Variants in BLTP1 observed in about 807,000 individuals in gnomAD.
The protein encoded by BLTP1 is fragile site-associated protein.
the BLTP1 span, among the ~76,000 whole-genome samples, chr4:122,287,166 T>C: frequency 6.6e-6 from 1 of 152,242 alleles, no homozygotes; most frequent in Non-Finnish European, 1.5e-5. Context: ...GTTCTCATTT[T>C]GTAAGTGAGC....
the BLTP1 span, among the ~76,000 whole-genome samples, chr4:122,360,748 T>A: frequency 6.6e-6 from 1 of 152,238 alleles, no homozygotes; most frequent in African/African-American, 2.4e-5. Flanking sequence ...TATTAACTGT[T>A]AAAATACTGC....
At chr4:122,212,238 A>G in the BLTP1 span, among the ~76,000 whole-genome samples, 1 of 152,184 alleles carries the variant, frequency 6.6e-6, no homozygotes, top group Non-Finnish European at 1.5e-5. Context: ...AAATCATCAG[A>G]TGATGTAACT....
the BLTP1 span, chr4:122,271,393 C>A: frequency 1.2e-6 from 2 of 1,613,832 alleles, no homozygotes; most frequent in Non-Finnish European, 1.7e-6. Flanking sequence ...ACTTTAGCCG[C>A]AGTTCTAGAG....
chr4:122,182,478 A>T, the BLTP1 span, among the ~76,000 whole-genome samples: 1 of 152,108 alleles, frequency 6.6e-6, no homozygotes, highest in Non-Finnish European at 1.5e-5. Context: ...CTAAACACAC[A>T]CATTTTCTAA....
chr4:122,334,306 A>G, the BLTP1 span: 11 of 1,440,570 alleles, frequency 7.6e-6, no homozygotes, highest in Admixed American at 1.7e-5. Context: ...CCTCATCTTC[A>G]TAATTTTAAT....
chr4:122,281,867 GATATT>G, the BLTP1 span: 7 of 1,338,896 alleles, frequency 5.2e-6, no homozygotes, highest in Non-Finnish European at 6.8e-6. Flanking sequence ...TGGTTTTATA[GATATT>G]ATAAGTAATT....
At chr4:122,310,375 A>G in the BLTP1 span, among the ~76,000 whole-genome samples, 12 of 152,146 alleles carry the variant, frequency 7.9e-5, no homozygotes, top group Admixed American at 7.2e-4. Context: ...TAAAAGACCA[A>G]TTAATGAGAG....
chr4:122,242,484 G>A, the BLTP1 span, among the ~76,000 whole-genome samples: 1 of 152,120 alleles, frequency 6.6e-6, no homozygotes, highest in Admixed American at 6.6e-5. Flanking sequence ...GGGGAAAAAA[G>A]TAACCTGGGA....
chr4:122,324,588 ACC>A, the BLTP1 span: 1 of 1,405,448 alleles, frequency 7.1e-7, no homozygotes, highest in Non-Finnish European at 9.8e-7. Flanking sequence ...TGACTCTTTT[ACC>A]AAGGTCAACT....
the BLTP1 span, chr4:122,334,233 G>C: frequency 9.6e-7 from 1 of 1,045,814 alleles, no homozygotes; most frequent in African/African-American, 1.6e-5. Flanking sequence ...ACTTTTAAAA[G>C]TTAAAACAGT....
chr4:122,193,742 C>T, the BLTP1 span: 28 of 706,514 alleles, frequency 4.0e-5, 1 homozygote, highest in Middle Eastern at 7.2e-4. Flanking sequence ...GCAGATATTA[C>T]GGGGCCATTG....
the BLTP1 span, chr4:122,277,655 A>G: frequency 2.1e-6 from 2 of 968,584 alleles, no homozygotes; most frequent in Non-Finnish European, 2.5e-6. Context: ...CTCATTATGA[A>G]TCAGACTTTT....
chr4:122,338,681 G>A, the BLTP1 span, among the ~76,000 whole-genome samples: 2 of 151,946 alleles, frequency 1.3e-5, no homozygotes, highest in African/African-American at 4.8e-5. Context: ...TCAGCCCTGA[G>A]GAATTACTAA....
At chr4:122,257,786 T>G in the BLTP1 span, among the ~76,000 whole-genome samples, 1 of 152,196 alleles carries the variant, frequency 6.6e-6, no homozygotes, top group African/African-American at 2.4e-5. Flanking sequence ...TATACACGTA[T>G]GATTTTTATT....
chr4:122,273,130 G>A, the BLTP1 span: 2 of 750,596 alleles, frequency 2.7e-6, no homozygotes, highest in Non-Finnish European at 3.2e-6. Context: ...AAAATAACCT[G>A]ACAGATTATA....
the BLTP1 span, among the ~76,000 whole-genome samples, chr4:122,248,714 A>G: frequency 2.0e-5 from 3 of 152,050 alleles, no homozygotes; most frequent in Admixed American, 2.0e-4. Flanking sequence ...AGCATAGAAT[A>G]TTATATAGCT....
At chr4:122,302,840 A>T in the BLTP1 span, among the ~76,000 whole-genome samples, 5 of 152,366 alleles carry the variant, frequency 3.3e-5, no homozygotes, top group East Asian at 9.6e-4. Context: ...AGCCTAATCC[A>T]GAGCAATGCC....
At chr4:122,235,130 GATGTT>G in the BLTP1 span, 1 of 1,053,518 alleles carries the variant, frequency 9.5e-7, no homozygotes, top group African/African-American at 1.6e-5. Flanking sequence ...TACTTTGTGT[GATGTT>G]ATGAGTAGGG....
At chr4:122,203,706 T>C in the BLTP1 span, 2 of 209,580 alleles carry the variant, frequency 9.5e-6, no homozygotes, top group Admixed American at 1.3e-4. Context: ...ATTTTTAATA[T>C]TTATCAGTAA....
Sources: allele counts gnomAD v4.1 joint callset (sites outside exome capture counted in the v4.1 genomes callset), GRCh38; gene constraint gnomAD v4.1.1; transcripts MANE v1.5; gene names NCBI Gene and HGNC (gene_info 2026-07-23, HGNC 2026-07-21).